The following WNK3 variants were observed in gnomAD, a reference collection of about 807,000 sequenced individuals.
The protein encoded by WNK3 is serine/threonine-protein kinase WNK3.
A neutral mutation model predicts 116.7 loss-of-function variants in WNK3; 18 were observed. That is an observed-to-expected ratio of 0.15 (90% CI 0.11 to 0.23). WNK3 has a LOEUF of 0.23. Ranked by LOEUF, WNK3 falls within the 10% of genes least tolerant of loss-of-function variation. WNK3 has a pLI of 1.00. For synonymous variants in WNK3, 404 were observed against 469.4 expected (o/e 0.86, Z 1.80); for missense variants, 993 against 1,323.8 (o/e 0.75, Z 3.88).
At chrX:54,268,951 C>T (rs1557158587) in intron 10 of WNK3, among the ~76,000 whole-genome samples, 1 of 111,245 alleles carries the variant, frequency 9.0e-6, no homozygotes, top group Non-Finnish European at 1.9e-5. Flanking sequence ...AGGGAAGAAA[C>T]GATAACTTTA....
chrX:54,272,735 C>A (rs2068398192), intron 10 of WNK3, among the ~76,000 whole-genome samples: 1 of 111,689 alleles, frequency 9.0e-6, no homozygotes, highest in South Asian at 3.7e-4. Flanking sequence ...AGAAATGTCA[C>A]CAGAAACAAA....
At chrX:54,240,073 G>A (rs1288317273) in intron 17 of WNK3, among the ~76,000 whole-genome samples, 2 of 111,692 alleles carry the variant, frequency 1.8e-5, no homozygotes, top group African/African-American at 3.2e-5. Context: ...GGGAGGCTGA[G>A]GTGGGCAGAT....
intron 19 of WNK3, 128 bp downstream of exon 19, chrX:54,238,214 A>G: frequency 1.2e-6 from 1 of 819,862 alleles, no homozygotes; most frequent in South Asian, 3.3e-5. Context: ...ACTGGGCAAC[A>G]AGAGTGAAAC....
intron 1 of WNK3, among the ~76,000 whole-genome samples, chrX:54,335,555 C>T (rs1271995007): frequency 1.8e-5 from 2 of 111,374 alleles, no homozygotes; most frequent in African/African-American, 6.5e-5. Context: ...TTACGCACCT[C>T]AAAGGGCGCA....
chrX:54,202,123 T>C (rs2067506717), exon 23 of WNK3: 1 of 1,209,620 alleles, frequency 8.3e-7, no homozygotes, highest in African/African-American at 1.7e-5. Context: ...GTAAGTCATC[T>C]GTGAACATCC....
chrX:54,232,766 C>A, intron 21 of WNK3, 43 bp downstream of exon 21: 1 of 1,112,744 alleles, frequency 9.0e-7, no homozygotes, highest in Non-Finnish European at 1.2e-6. Context: ...TTTTGCTAAT[C>A]TTGGACTAGA....
chrX:54,286,219 G>A (rs1377952762), intron 10 of WNK3, among the ~76,000 whole-genome samples: 2 of 105,577 alleles, frequency 1.9e-5, no homozygotes, highest in African/African-American at 7.3e-5. Flanking sequence ...AAAAAAAGGT[G>A]GGGGGGGAGA....
exon 17 of WNK3, chrX:54,248,952 G>C (rs782670429): frequency 8.3e-7 from 1 of 1,209,708 alleles, no homozygotes; most frequent in African/African-American, 1.7e-5. Context: ...TCTGACTCTC[G>C]GGATAGATGC....
chrX:54,209,751 A>G (rs1170912604), intron 22 of WNK3, among the ~76,000 whole-genome samples: 1 of 108,921 alleles, frequency 9.2e-6, no homozygotes, highest in Non-Finnish European at 1.9e-5. Flanking sequence ...GGGTTTTGCC[A>G]TGATGGCCAA....
intron 2 of WNK3, among the ~76,000 whole-genome samples, chrX:54,325,400 C>T (rs993252403): frequency 9.1e-6 from 1 of 110,363 alleles, no homozygotes; most frequent in Non-Finnish European, 1.9e-5. Context: ...TTCCATTGGC[C>T]GGGCGTTGTG....
At chrX:54,315,395 A>G (rs1160386990) in intron 2 of WNK3, among the ~76,000 whole-genome samples, 1 of 110,668 alleles carries the variant, frequency 9.0e-6, no homozygotes, top group Non-Finnish European at 1.9e-5. Context: ...TTCTAGCTGT[A>G]GAGTCTTTAC....
chrX:54,332,985 G>A lies in WNK3; in HGVS notation c.537+152C>T, dbSNP rs1010220859. On this transcript the variant is annotated intron_variant, in intron 2 of 23. Transcript: ENST00000354646. ...AAAAAAGTTTGGAGTGAGCTCCTAA[G>A]AGGATATAGGAAAGGACCATAATTT... 17 of 369,567 alleles carry A rather than the reference G, an allele frequency of 4.6e-5. 1 individual carries two copies. In the Admixed American group the frequency reaches 8.5e-4, roughly 19 times the overall value. The allele number at this position is 369,567 out of a possible 1,213,427, so 30.5% of individuals were successfully genotyped here. A position where few individuals can be genotyped will look rare whatever the true frequency, so the allele number is the denominator to read the frequency against.
At position 54,333,810 on chromosome X, in the gene WNK3, G is replaced by A; in HGVS notation, c.-119-18C>T. 2.2e-6 allele frequency: 1 copy of A among 451,832 alleles called. No individual in the cohort carries two copies. Among genetic ancestry groups the A allele is most frequent in the Admixed American group, 4.2e-5 (1 of 23,901 alleles). 37.2% of individuals were successfully genotyped at this position (451,832 alleles called of 1,213,427 possible). On this transcript the variant is annotated intron_variant, in intron 1 of 23. Coordinates refer to ENST00000354646, the Ensembl canonical transcript of WNK3. The stretch of plus-strand genomic sequence containing the variant: ...ATAGCAACCTGAAGGGGGGGAAAAA[G>A]ATATTTTAAAATCACCCTACAAAGG...
chrX:54,268,918 C>G lies in WNK3; in HGVS notation c.2038-9580G>C, dbSNP rs782400967. On this transcript the variant is annotated intron_variant, in intron 10 of 23. Transcript: ENST00000354646. ...ATTTACATAGCTTCAAAATATCTCC[C>G]CACAAATAACTCATAAACTATAAGG... Among the ~76,000 whole-genome samples the G allele has an allele frequency of 7.2e-5, 8 of 111,138 alleles. No individual in the cohort carries two copies. The South Asian group carries it at 3.0e-3, about 42-fold the overall frequency.
At chrX:54,226,092 ACC>A (rs34656115) in intron 22 of WNK3, among the ~76,000 whole-genome samples, 5 of 45,091 alleles carry the variant, frequency 1.1e-4, no homozygotes, top group African/African-American at 3.4e-4. Context: ...ATATCCACAT[ACC>A]CAAAAAAAAA....
At chrX:54,321,205 AT>A (rs1276766787) in intron 2 of WNK3, among the ~76,000 whole-genome samples, 3 of 111,647 alleles carry the variant, frequency 2.7e-5, no homozygotes, top group Non-Finnish European at 3.8e-5. Flanking sequence ...CCAATGTTTT[AT>A]TTCTTAAACT....
chrX:54,321,940 C>A (rs1339885683), intron 2 of WNK3, among the ~76,000 whole-genome samples: 2 of 105,119 alleles, frequency 1.9e-5, no homozygotes, highest in Non-Finnish European at 3.9e-5. Context: ...GCCGAGATCA[C>A]GCCATCGCAC....
chrX:54,333,424 C>T, exon 2 of WNK3: 2 of 1,211,780 alleles, frequency 1.7e-6, no homozygotes, highest in African/African-American at 1.7e-5. Context: ...ATATTCATTG[C>T]AGCCTTAATT....
At chrX:54,311,601 A>G (rs1167200883) in intron 2 of WNK3, among the ~76,000 whole-genome samples, 3 of 112,203 alleles carry the variant, frequency 2.7e-5, no homozygotes, top group African/African-American at 6.5e-5. Context: ...AGCAGATAGG[A>G]AAGTTTCCCT....
Sources: gnomAD v4.1 joint callset for allele counts (sites outside exome capture counted in the v4.1 genomes callset) on GRCh38, gnomAD v4.1.1 for gene constraint, MANE v1.5 for transcripts, NCBI Gene and HGNC (gene_info 2026-07-23, HGNC 2026-07-21) for gene names.